Variants in FBXO34 observed in about 807,000 individuals in gnomAD.
FBXO34 encodes the protein F-box only protein 34.
FBXO34 carries 12 observed loss-of-function variants against 24.5 expected under a neutral mutation model. The ratio of observed to expected loss-of-function variants is 0.49; its 90% CI spans 0.31 to 0.79. The LOEUF (loss-of-function observed/expected upper bound fraction) is 0.79, where lower values mean the gene tolerates loss of function less well. Among genes scored for constraint, FBXO34 ranks in the 30% least tolerant of loss-of-function variants. The probability of loss-of-function intolerance (pLI) is 0.04; values close to 1 mark genes in which losing one functional copy is unlikely to be tolerated. For synonymous variants in FBXO34, 320 were observed against 311.9 expected (o/e 1.03, Z -0.27); for missense variants, 823 against 857.7 (o/e 0.96, Z 0.51).
At chr14:55,323,264 C>G (rs1278008281) in intron 1 of FBXO34, among the ~76,000 whole-genome samples, 45 of 113,688 alleles carry the variant, frequency 4.0e-4, no homozygotes, top group Non-Finnish European at 6.2e-4. Context: ...CAGAGTCTCA[C>G]TTATGTTGCC....
chr14:55,425,046 A>G, the FBXO34 span, among the ~76,000 whole-genome samples: 2 of 152,254 alleles, frequency 1.3e-5, no homozygotes, highest in Non-Finnish European at 2.9e-5. Flanking sequence ...GCATCTTTGC[A>G]CTTAAAGGGT....
the FBXO34 span, chr14:55,411,782 G>A: frequency 1.9e-6 from 3 of 1,602,568 alleles, no homozygotes; most frequent in Admixed American, 1.7e-5. Flanking sequence ...GCAGCCAGGA[G>A]CCTCCAGCGC....
the FBXO34 span, among the ~76,000 whole-genome samples, chr14:55,435,275 G>T: frequency 7.1e-6 from 1 of 141,240 alleles, no homozygotes; most frequent in African/African-American, 3.0e-5. Flanking sequence ...ATAGTCAGGT[G>T]AAATTTTTTT....
intron 1 of FBXO34, among the ~76,000 whole-genome samples, chr14:55,283,675 G>A (rs944830603): frequency 6.6e-6 from 1 of 151,948 alleles, no homozygotes; most frequent in African/African-American, 2.4e-5. Context: ...TGGTTAGGCT[G>A]TTCTTGAACT....
the FBXO34 span, among the ~76,000 whole-genome samples, chr14:55,415,403 G>A: frequency 1.3e-5 from 2 of 152,290 alleles, no homozygotes; most frequent in East Asian, 1.9e-4. Context: ...CTAGTTCGGT[G>A]GTTAAGTTAA....
intron 1 of FBXO34, among the ~76,000 whole-genome samples, chr14:55,287,161 C>T (rs1594727009): frequency 6.6e-6 from 1 of 152,152 alleles, no homozygotes; most frequent in Non-Finnish European, 1.5e-5. Context: ...CTGCCTTGGC[C>T]TCCCAAAGTG....
chr14:55,291,825 A>G (rs1254318408), intron 1 of FBXO34, among the ~76,000 whole-genome samples: 1 of 152,102 alleles, frequency 6.6e-6, no homozygotes, highest in Non-Finnish European at 1.5e-5. Context: ...ATAGCTGGGC[A>G]TAGTGGAGTG....
chr14:55,325,649 A>T (rs990333900), intron 1 of FBXO34, among the ~76,000 whole-genome samples: 3 of 152,008 alleles, frequency 2.0e-5, no homozygotes, highest in African/African-American at 4.8e-5. Context: ...CTAATTTTGT[A>T]TTTTTAGTAG....
intron 1 of FBXO34, 116 bp downstream of exon 1, chr14:55,271,653 G>A (rs1246947465): frequency 2.0e-5 from 3 of 148,606 alleles, no homozygotes; most frequent in Non-Finnish European, 4.5e-5. Context: ...CCGGGGCGCG[G>A]GGCGGGTGGG....
At chr14:55,385,016 C>T in the FBXO34 span, among the ~76,000 whole-genome samples, 2 of 152,196 alleles carry the variant, frequency 1.3e-5, no homozygotes, top group East Asian at 1.9e-4. Flanking sequence ...CATGCACTAC[C>T]GCCTAAGACC....
intron 1 of FBXO34, among the ~76,000 whole-genome samples, chr14:55,347,778 A>G (rs1460206775): frequency 2.0e-5 from 3 of 152,242 alleles, no homozygotes; most frequent in African/African-American, 7.2e-5. Flanking sequence ...CAATAATAGC[A>G]CCTAAAATAA....
At chr14:55,439,613 A>ACCCCCCC in the FBXO34 span, among the ~76,000 whole-genome samples, 37 of 47,942 alleles carry the variant, frequency 7.7e-4, 7 homozygotes, top group Admixed American at 1.0e-3. Flanking sequence ...GAGAAAAGCA[A>ACCCCCCC]ACCCCCCCCC....
chr14:55,361,761 C>T (rs1476841371), exon 4 of FBXO34: 1 of 152,224 alleles, frequency 6.6e-6, no homozygotes, highest in East Asian at 1.9e-4. Flanking sequence ...CATGAGCCAA[C>T]CTCTGCTAGC....
At position 55,313,844 on chromosome 14, in the gene FBXO34, G is replaced by A. The variant is rs184310161; in HGVS notation, c.-10-36537G>A. 6.6e-4 allele frequency among the ~76,000 whole-genome samples: 101 copies of A among 152,154 alleles called. 1 individual carries two copies. The highest frequency in any genetic ancestry group is 2.1e-4 in the Non-Finnish European group (14 of 68,038). On this transcript the variant is annotated intron_variant, in intron 1 of 1. Coordinates refer to ENST00000313833, the MANE Select transcript of FBXO34 (RefSeq NM_017943.4). Reference sequence around the variant, plus strand: ...TCCCTTGACATGCGGAGATTATGGGGATTATAATTCAAGATGAGATTTGGC... The same window carrying A: ...TCCCTTGACATGCGGAGATTATGGGAATTATAATTCAAGATGAGATTTGGC...
At chr14:55,393,114 G>T in the FBXO34 span, among the ~76,000 whole-genome samples, 1 of 152,184 alleles carries the variant, frequency 6.6e-6, no homozygotes, top group East Asian at 1.9e-4. Context: ...GGGCGCGGTG[G>T]CTCACGCCTG....
At chr14:55,412,156 G>A in the FBXO34 span, among the ~76,000 whole-genome samples, 1 of 152,154 alleles carries the variant, frequency 6.6e-6, no homozygotes, top group Non-Finnish European at 1.5e-5. Flanking sequence ...GAATGGGAGC[G>A]GAATAAGGGA....
At chr14:55,282,089 C>T (rs375120878) in intron 1 of FBXO34, among the ~76,000 whole-genome samples, 5 of 150,014 alleles carry the variant, frequency 3.3e-5, no homozygotes, top group South Asian at 4.2e-4. Flanking sequence ...CTCCGCCTCC[C>T]GGGTTCAAGC....
the FBXO34 span, among the ~76,000 whole-genome samples, chr14:55,409,342 T>C: frequency 6.6e-6 from 1 of 152,218 alleles, no homozygotes; most frequent in Non-Finnish European, 1.5e-5. Flanking sequence ...TTATTGAGTT[T>C]CTACTATGTG....
chr14:55,377,876 A>T, the FBXO34 span: 1 of 1,607,222 alleles, frequency 6.2e-7, no homozygotes, highest in South Asian at 1.1e-5. Flanking sequence ...GAGGGTATGC[A>T]GTGGTTGTAA....
Sources: allele counts gnomAD v4.1 joint callset (sites outside exome capture counted in the v4.1 genomes callset), GRCh38; gene constraint gnomAD v4.1.1; transcripts MANE v1.5; gene names NCBI Gene and HGNC (gene_info 2026-07-23, HGNC 2026-07-21).